The following FOXI2 variants were observed in gnomAD, a reference collection of about 807,000 sequenced individuals.
FOXI2 encodes forkhead box protein I2.
Under a neutral mutation model 14.3 loss-of-function variants are expected in FOXI2, and 17 were observed. The observed-to-expected ratio is 1.19, with a 90% CI of 0.81 to 1.78. The LOEUF is 1.78. Among genes scored for constraint, FOXI2 ranks in the 40% most tolerant of loss-of-function variants. The pLI is 0.00. For missense variants in FOXI2, 541 were observed against 460.0 expected (o/e 1.18, Z -1.61); for synonymous variants, 240 against 218.8 (o/e 1.10, Z -0.85).
Position 127,738,987 on chromosome 10 carries a change from G to C in FOXI2, c.*22G>C, listed in dbSNP as rs1199206719. ...TTGAAGGGAGGCTGGAGGCTAGCCG[G>C]GTGCGGGTCCAGAGGTGCTGAGCTC... On this transcript the variant is annotated 3_prime_UTR_variant, in exon 2 of 2. Coordinates refer to ENST00000388920, the MANE Select transcript of FOXI2 (RefSeq NM_207426.3). 6.3e-7 allele frequency: 1 copy of C among 1,588,728 alleles called. No homozygotes were observed. The highest frequency in any genetic ancestry group is 8.5e-7 in the Non-Finnish European group (1 of 1,173,486).
Position 127,737,341 on chromosome 10 carries a change from A to AC in FOXI2, c.74dup (p.Tyr27LeufsTer2), listed in dbSNP as rs780584576. The AC allele has an allele frequency of 6.1e-5, 88 of 1,433,678 alleles. No homozygotes were observed. Among genetic ancestry groups the AC allele is most frequent in the African/African-American group, 9.1e-5 (6 of 65,838 alleles). The allele number at this position is 1,433,678 out of a possible 1,614,324, so 88.8% of individuals were successfully genotyped here. ...CCCGGCCAGGCCCAGGCCACCGCGC[A>AC]CCCCCCGGGCTATGAGCCAGGGGAT... On this transcript the variant is annotated frameshift_variant, in exon 1 of 2. Coordinates refer to ENST00000388920, the MANE Select transcript of FOXI2 (RefSeq NM_207426.3). LOFTEE classifies it high-confidence loss of function.
chr10:127,739,933 CCA>C lies in FOXI2; in HGVS notation c.*976_*977del, dbSNP rs1227983406. The C allele has an allele frequency of 2.2e-4, 19 of 85,076 alleles. No homozygotes were observed. Among genetic ancestry groups the C allele is most frequent in the South Asian group, 5.6e-4 (1 of 1,796 alleles). 5.3% of individuals were successfully genotyped at this position (85,076 alleles called of 1,614,324 possible). ...CTCACACCCACACCCACACTCACAC[CCA>C]CACACACTCACACCCACACACACCC... On this transcript the variant is annotated 3_prime_UTR_variant, in exon 2 of 2. Transcript: ENST00000388920.
rs1564749907 is a variant in FOXI2 at position 127,740,848 on chromosome 10, AGGCG to A, written c.*1886_*1889del. The A allele has an allele frequency of 6.7e-6, 1 of 150,068 alleles. No individual in the cohort carries two copies. The highest frequency in any genetic ancestry group is 6.7e-5 in the Admixed American group (1 of 14,900). 9.3% of individuals were successfully genotyped at this position (150,068 alleles called of 1,614,324 possible). On this transcript the variant is annotated 3_prime_UTR_variant, in exon 2 of 2. Transcript: ENST00000388920. ...GACAGAGAGGGAGGGAGAAGGAAGG[AGGCG>A]GGGGAACATGGAGAGAAGGAGCCAG...
Position 127,739,856 on chromosome 10 carries a change from CCCACA to C in FOXI2, c.*893_*897del, listed in dbSNP as rs1846479884. 1 of 37,132 alleles carries C rather than the reference CCCACA, an allele frequency of 2.7e-5. No individual in the cohort carries two copies. Among genetic ancestry groups the C allele is most frequent in the Non-Finnish European group, 6.9e-5 (1 of 14,396 alleles). 2.3% of individuals were successfully genotyped at this position (37,132 alleles called of 1,614,324 possible). A position where few individuals can be genotyped will look rare whatever the true frequency, so the allele number is the denominator to read the frequency against. ...ACCCACACTCACACTCACACTCACA[CCCACA>C]CTCACACCCACACTCACACCCACAC... On this transcript the variant is annotated 3_prime_UTR_variant, in exon 2 of 2. Coordinates refer to ENST00000388920, the MANE Select transcript of FOXI2 (RefSeq NM_207426.3).
intron 1 of FOXI2, 108 bp from the exon 2 acceptor site, chr10:127,738,412 T>A: frequency 1.2e-6 from 1 of 843,784 alleles, no homozygotes; most frequent in South Asian, 1.8e-5. Context: ...ACTCAGACCC[T>A]CTGTAAGGGC....
rs1846458286 is a variant in FOXI2, at chr10:127,739,102, G to T, written c.*137G>T. On this transcript the variant is annotated 3_prime_UTR_variant, in exon 2 of 2. Coordinates refer to ENST00000388920, the MANE Select transcript of FOXI2 (RefSeq NM_207426.3). ...GGAAGCGCAGAGCCGGGGGCGGCTC[G>T]GCCAGCAGGGAGCTGGGCTGAGCGG... 5.3e-6 allele frequency: 4 copies of T among 756,366 alleles called. No individual in the cohort carries two copies. In the South Asian group the frequency reaches 5.6e-5, roughly 11 times the overall value. 46.9% of individuals were successfully genotyped at this position (756,366 alleles called of 1,614,324 possible). A position where few individuals can be genotyped will look rare whatever the true frequency, so the allele number is the denominator to read the frequency against.
In FOXI2 at chr10:127,738,693, G is replaced by GT; in HGVS notation, c.685_686insT (p.Asp229ValfsTer60). The GT allele has an allele frequency of 6.3e-7, 1 of 1,597,262 alleles. No homozygotes were observed. Among genetic ancestry groups the GT allele is most frequent in the Non-Finnish European group, 8.5e-7 (1 of 1,172,296 alleles). On this transcript the variant is annotated frameshift_variant, in exon 2 of 2. Transcript: ENST00000388920. LOFTEE classifies it low-confidence loss of function (END_TRUNC). ...GGAGCCCCCGAGCGCGGCTTGCCTG[G>GT]ACCTGCAGGCCTCGCCCTCTCCATC...
In FOXI2 at chr10:127,737,669, G is replaced by C; in HGVS notation, c.396G>C (p.Val132=). Residue 132 remains valine (V), a synonymous_variant, in exon 1 of 2, where the codon GTG becomes GTC. Transcript: ENST00000388920. Reference sequence around the variant, plus strand: ...CGCTCAGCCAGATCTACCAGTACGTGGCTGGTAACTTCCCTTTCTACAAGC... The same window carrying C: ...CGCTCAGCCAGATCTACCAGTACGTCGCTGGTAACTTCCCTTTCTACAAGC... ...KLTLSQIYQY[V]AGNFPFYKRS... is the part of the protein sequence containing the mutation. 6.3e-7 allele frequency: 1 copy of C among 1,595,812 alleles called. No homozygotes were observed. The highest frequency in any genetic ancestry group is 8.5e-7 in the Non-Finnish European group (1 of 1,171,400).
Position 127,737,344 on chromosome 10 carries a change from C to T in FOXI2, c.71C>T (p.Pro24Leu), listed in dbSNP as rs900236763. Residue 24 changes from proline (P) to leucine (L), a missense_variant, in exon 1 of 2, where the codon CCC (proline) becomes CTC (leucine). Pro to Leu is a moderately conservative substitution (Grantham distance 98). Coordinates refer to ENST00000388920, the MANE Select transcript of FOXI2 (RefSeq NM_207426.3). ...PPGQAQATAH[P>L]PGYEPGDLGA... is the part of the protein sequence containing the mutation. ...GGCCAGGCCCAGGCCACCGCGCACC[C>T]CCCGGGCTATGAGCCAGGGGATCTG... 1.0e-4 allele frequency: 149 copies of T among 1,429,898 alleles called. No homozygotes were observed. Among genetic ancestry groups the T allele is most frequent in the Non-Finnish European group, 1.3e-4 (143 of 1,106,904 alleles). The allele number at this position is 1,429,898 out of a possible 1,614,324, so 88.6% of individuals were successfully genotyped here. A position where few individuals can be genotyped will look rare whatever the true frequency, so the allele number is the denominator to read the frequency against.
rs1846435530 is a variant in FOXI2 at position 127,737,619 on chromosome 10, C to T, written c.346C>T (p.Gln116Ter). The change falls in exon 1 of 2, where the codon CAG becomes TAG. Residue 116 changes from glutamine to a stop codon, truncating the protein, a stop_gained. Coordinates refer to ENST00000388920, the MANE Select transcript of FOXI2 (RefSeq NM_207426.3). LOFTEE classifies it high-confidence loss of function. ...CTCGGCGCTCATCGCCATGGCCATC[C>T]AGAGCGCGCCGCTGCGGAAGCTGAC... ...SYSALIAMAI[Q>*]SAPLRKLTLS... 4 of 1,562,226 alleles carry T rather than the reference C, an allele frequency of 2.6e-6. No individual in the cohort carries two copies. Among genetic ancestry groups the T allele is most frequent in the Non-Finnish European group, 3.5e-6 (4 of 1,153,720 alleles).
rs1846451779 is a variant in FOXI2 at position 127,738,796 on chromosome 10, C to G, written c.788C>G (p.Pro263Arg). 1.9e-6 allele frequency: 3 copies of G among 1,606,678 alleles called. No individual in the cohort carries two copies. The highest frequency in any genetic ancestry group is 4.5e-5 in the East Asian group (2 of 44,660). The change falls in exon 2 of 2, where the codon CCC (proline) becomes CGC (arginine). Residue 263 changes from proline to arginine, a missense_variant. Transcript: ENST00000388920. ...CTGGCTGGCGGCCTTGGCACCTTCC[C>G]CGGGGGCCTGGCGGGCGACTTTTCT... ...SALAGGLGTF[P>R]GGLAGDFSFG...
At position 127,737,481 on chromosome 10, in the gene FOXI2, G is replaced by A; in HGVS notation, c.208G>A (p.Ala70Thr). The change falls in exon 1 of 2, where the codon GCT (alanine) becomes ACT (threonine). Residue 70 changes from alanine to threonine, a missense_variant. By Grantham distance (58) the Ala-to-Thr change is moderately conservative. Coordinates refer to ENST00000388920, the MANE Select transcript of FOXI2 (RefSeq NM_207426.3). ...APPYAAPSYGAPGPLLGAPGG... is the reference protein window; with the variant it reads ...APPYAAPSYGTPGPLLGAPGG... ...GCCCTACGCGGCCCCGAGCTACGGG[G>A]CTCCCGGCCCGCTCCTCGGCGCCCC... The A allele has an allele frequency of 7.2e-7, 1 of 1,389,890 alleles. No homozygotes were observed. Among genetic ancestry groups the A allele is most frequent in the South Asian group, 1.7e-5 (1 of 59,972 alleles). The allele number at this position is 1,389,890 out of a possible 1,614,324, so 86.1% of individuals were successfully genotyped here.
Position 127,737,383 on chromosome 10 carries a change from G to C in FOXI2, c.110G>C (p.Gly37Ala), listed in dbSNP as rs766756986. Residue 37 changes from glycine to alanine, a missense_variant, in exon 1 of 2, where the codon GGG (glycine) becomes GCG (alanine). Gly to Ala is a moderately conservative substitution (Grantham distance 60). Transcript: ENST00000388920. ...YEPGDLGAVG[G>A]GPLLWVNAPA... The stretch of plus-strand genomic sequence containing the variant: ...CCAGGGGATCTGGGCGCGGTGGGCG[G>C]GGGCCCCCTCCTGTGGGTGAACGCG... 1 of 1,396,984 alleles carries C rather than the reference G, an allele frequency of 7.2e-7. No individual in the cohort carries two copies. The highest frequency in any genetic ancestry group is 3.0e-5 in the East Asian group (1 of 32,794). 86.5% of individuals were successfully genotyped at this position (1,396,984 alleles called of 1,614,324 possible).
Position 127,739,062 on chromosome 10 carries a change from C to A in FOXI2, c.*97C>A. The stretch of plus-strand genomic sequence containing the variant: ...AGCCCCACGTGTTGGCGTTGAAGGC[C>A]TTGGTGCCCTGGGAGGAAGCGCAGA... On this transcript the variant is annotated 3_prime_UTR_variant, in exon 2 of 2. Coordinates refer to ENST00000388920, the MANE Select transcript of FOXI2 (RefSeq NM_207426.3). The A allele has an allele frequency of 9.1e-7, 1 of 1,099,178 alleles. No homozygotes were observed. The highest frequency in any genetic ancestry group is 1.3e-6 in the Non-Finnish European group (1 of 780,464). The allele number at this position is 1,099,178 out of a possible 1,614,324, so 68.1% of individuals were successfully genotyped here. A position where few individuals can be genotyped will look rare whatever the true frequency, so the allele number is the denominator to read the frequency against.
In FOXI2 at chr10:127,740,562, C is replaced by T. The variant is rs1846512956; in HGVS notation, c.*1597C>T. On this transcript the variant is annotated 3_prime_UTR_variant, in exon 2 of 2. Transcript: ENST00000388920. ...GTTGTTGATGGGGGTACCTATCTTCCCTGCATTTTGGGGGAGGGTGGGAGG... is the reference window on the plus strand; with the variant it reads ...GTTGTTGATGGGGGTACCTATCTTCTCTGCATTTTGGGGGAGGGTGGGAGG... 1.4e-5 allele frequency: 2 copies of T among 143,572 alleles called. No individual in the cohort carries two copies. The highest frequency in any genetic ancestry group is 3.1e-5 in the Non-Finnish European group (2 of 65,220). The allele number at this position is 143,572 out of a possible 1,614,324, so 8.9% of individuals were successfully genotyped here.
Position 127,739,049 on chromosome 10 carries a change from T to C in FOXI2, c.*84T>C. 8.0e-7 allele frequency: 1 copy of C among 1,253,682 alleles called. No homozygotes were observed. The highest frequency in any genetic ancestry group is 1.1e-6 in the Non-Finnish European group (1 of 913,688). 77.7% of individuals were successfully genotyped at this position (1,253,682 alleles called of 1,614,324 possible). A position where few individuals can be genotyped will look rare whatever the true frequency, so the allele number is the denominator to read the frequency against. On this transcript the variant is annotated 3_prime_UTR_variant, in exon 2 of 2. Coordinates refer to ENST00000388920, the MANE Select transcript of FOXI2 (RefSeq NM_207426.3). ...TTCCCCTGGTGACAGCCCCACGTGT[T>C]GGCGTTGAAGGCCTTGGTGCCCTGG...
rs145832367 is a variant in FOXI2 at position 127,741,035 on chromosome 10, A to C, written c.*2070A>C. ...TAACTAAACTCACAACCAACCCGCA[A>C]TCTCTCTTGGGGGGACACTCCCCAT... On this transcript the variant is annotated 3_prime_UTR_variant, in exon 2 of 2. Coordinates refer to ENST00000388920, the MANE Select transcript of FOXI2 (RefSeq NM_207426.3). 6.6e-6 allele frequency: 1 copy of C among 152,278 alleles called. No individual in the cohort carries two copies. The highest frequency in any genetic ancestry group is 1.9e-4 in the East Asian group (1 of 5,178). 9.4% of individuals were successfully genotyped at this position (152,278 alleles called of 1,614,324 possible).
At position 127,740,105 on chromosome 10, in the gene FOXI2, C is replaced by A. The variant is rs1317561603; in HGVS notation, c.*1140C>A. ...ACACCCACACTCACACTCACACCCA[C>A]ACTCACACCACACTCACACCCACAC... On this transcript the variant is annotated 3_prime_UTR_variant, in exon 2 of 2. Coordinates refer to ENST00000388920, the MANE Select transcript of FOXI2 (RefSeq NM_207426.3). The A allele has an allele frequency of 8.1e-6, 1 of 122,876 alleles. No individual in the cohort carries two copies. The highest frequency in any genetic ancestry group is 1.7e-5 in the Non-Finnish European group (1 of 57,488). 7.6% of individuals were successfully genotyped at this position (122,876 alleles called of 1,614,324 possible).
rs1846457509 is a variant in FOXI2, at chr10:127,739,053, G to A, written c.*88G>A. ...CCTGGTGACAGCCCCACGTGTTGGC[G>A]TTGAAGGCCTTGGTGCCCTGGGAGG... is the stretch of plus-strand genomic sequence containing the variant. On this transcript the variant is annotated 3_prime_UTR_variant, in exon 2 of 2. Coordinates refer to ENST00000388920, the MANE Select transcript of FOXI2 (RefSeq NM_207426.3). The A allele has an allele frequency of 2.5e-6, 3 of 1,191,734 alleles. No homozygotes were observed. The highest frequency in any genetic ancestry group is 4.9e-5 in the Admixed American group (2 of 41,032). 73.8% of individuals were successfully genotyped at this position (1,191,734 alleles called of 1,614,324 possible).
Sources: gnomAD v4.1 joint callset for allele counts on GRCh38, gnomAD v4.1.1 for gene constraint, MANE v1.5 for transcripts, NCBI Gene and HGNC (gene_info 2026-07-23, HGNC 2026-07-21) for gene names.